Variants in ASB4 observed in about 807,000 individuals in gnomAD.
ASB4 encodes ankyrin repeat and SOCS box containing 4, also known as ankyrin repeat and SOCS box protein 4.
A neutral mutation model predicts 38.6 loss-of-function variants in ASB4; 35 were observed. The ratio of observed to expected loss-of-function variants is 0.91; its 90% CI spans 0.69 to 1.20. ASB4 has a LOEUF of 1.20. Among genes scored for constraint, ASB4 ranks in the 50% most tolerant of loss-of-function variants. ASB4 has a pLI of 0.00. For synonymous variants in ASB4, 195 were observed against 201.3 expected (o/e 0.97, Z 0.26); for missense variants, 557 against 527.2 (o/e 1.06, Z -0.55).
In ASB4 at chr7:95,538,480, C is replaced by G. The variant is rs1460509530; in HGVS notation, c.*721C>G. 1 of 152,218 alleles carries G rather than the reference C, an allele frequency of 6.6e-6. No homozygotes were observed. The highest frequency in any genetic ancestry group is 1.5e-5 in the Non-Finnish European group (1 of 68,038). 9.4% of individuals were successfully genotyped at this position (152,218 alleles called of 1,614,324 possible). Reference sequence around the variant, plus strand: ...TTAGCAGAGGATCCAGACATACACACAGCTAACTGCAATATAAAGTGATGG... The same window carrying G: ...TTAGCAGAGGATCCAGACATACACAGAGCTAACTGCAATATAAAGTGATGG... On this transcript the variant is annotated 3_prime_UTR_variant, in exon 5 of 5. Transcript: ENST00000325885.
intron 2 of ASB4, 26 bp downstream of exon 2, chr7:95,496,083 T>A (rs1287635912): frequency 6.3e-7 from 1 of 1,594,128 alleles, no homozygotes; most frequent in Non-Finnish European, 8.6e-7. Context: ...TGGCCAACAT[T>A]GTTGTCTGCT....
chr7:95,475,758 T>G (rs1179817733), upstream of ASB4, among the ~76,000 whole-genome samples: 2 of 152,192 alleles, frequency 1.3e-5, no homozygotes, highest in African/African-American at 4.8e-5. Flanking sequence ...AATCATGTAT[T>G]CCAGTGTCAT....
intron 2 of ASB4, among the ~76,000 whole-genome samples, chr7:95,526,218 C>T (rs11978540): frequency 0.017 from 2,632 of 152,222 alleles, 84 homozygotes; most frequent in African/African-American, 0.059. Flanking sequence ...AGGAAGGGGT[C>T]CCCAGTGGGA....
downstream of ASB4, chr7:95,543,854 A>T (rs1174547682): frequency 6.6e-6 from 1 of 152,196 alleles, no homozygotes; most frequent in African/African-American, 2.4e-5. Flanking sequence ...TATCATTATA[A>T]TTATACTTTT....
intron 2 of ASB4, among the ~76,000 whole-genome samples, chr7:95,504,403 T>C (rs961998922): frequency 1.3e-5 from 2 of 152,214 alleles, no homozygotes; most frequent in African/African-American, 4.8e-5. Flanking sequence ...TAAGGCAAGA[T>C]GTCACTGGCC....
chr7:95,477,426 T>G (rs1789987155), upstream of ASB4, among the ~76,000 whole-genome samples: 2 of 152,224 alleles, frequency 1.3e-5, no homozygotes, highest in Admixed American at 6.5e-5. Context: ...ACATTGCTCA[T>G]TTTATAAATT....
chr7:95,508,430 TAGAG>T (rs1456732584), intron 2 of ASB4, among the ~76,000 whole-genome samples: 1 of 152,128 alleles, frequency 6.6e-6, no homozygotes, highest in Non-Finnish European at 1.5e-5. Flanking sequence ...AAATAATTGT[TAGAG>T]AGGAAATATT....
At chr7:95,472,630 G>A in the ASB4 span, among the ~76,000 whole-genome samples, 7 of 152,114 alleles carry the variant, frequency 4.6e-5, no homozygotes, top group African/African-American at 1.7e-4. Flanking sequence ...GGGTTTTAAT[G>A]ATGCTCTGCC....
chr7:95,496,929 G>A (rs988467244), intron 2 of ASB4, among the ~76,000 whole-genome samples: 1 of 152,120 alleles, frequency 6.6e-6, no homozygotes, highest in African/African-American at 2.4e-5. Context: ...GAGAGGAAGA[G>A]GGGTCTAGCT....
intron 1 of ASB4, among the ~76,000 whole-genome samples, chr7:95,492,099 C>G (rs1790179696): frequency 6.6e-6 from 1 of 152,184 alleles, no homozygotes; most frequent in African/African-American, 2.4e-5. Flanking sequence ...ACATTCCTAT[C>G]TTAGGAGAGG....
At chr7:95,550,542 C>T in the ASB4 span, among the ~76,000 whole-genome samples, 6 of 152,172 alleles carry the variant, frequency 3.9e-5, no homozygotes, top group Non-Finnish European at 2.9e-5. Context: ...ACTTCTTAAT[C>T]TCTTGATCAG....
intron 1 of ASB4, among the ~76,000 whole-genome samples, chr7:95,490,935 C>T (rs1377403866): frequency 6.6e-6 from 1 of 152,202 alleles, no homozygotes; most frequent in Non-Finnish European, 1.5e-5. Flanking sequence ...CTGCATGTAG[C>T]CTTCGGATCA....
rs1464575512 is a variant in ASB4 at position 95,539,894 on chromosome 7, T to C, written c.*2135T>C. 1.3e-5 allele frequency: 2 copies of C among 152,078 alleles called. No homozygotes were observed. The allele number at this position is 152,078 out of a possible 1,614,324, so 9.4% of individuals were successfully genotyped here. A position where few individuals can be genotyped will look rare whatever the true frequency, so the allele number is the denominator to read the frequency against. Reference sequence around the variant, plus strand: ...CCCCAAAACTATTGAAATCTTAAAATAGTAATAATTAACAAAGTAAAACAA... The same window carrying C: ...CCCCAAAACTATTGAAATCTTAAAACAGTAATAATTAACAAAGTAAAACAA... On this transcript the variant is annotated 3_prime_UTR_variant, in exon 5 of 5. Coordinates refer to ENST00000325885, the MANE Select transcript of ASB4 (RefSeq NM_016116.3).
At chr7:95,498,314 T>C (rs1394696510) in intron 2 of ASB4, among the ~76,000 whole-genome samples, 1 of 152,172 alleles carries the variant, frequency 6.6e-6, no homozygotes, top group Admixed American at 6.5e-5. Context: ...ACAAACATAT[T>C]AGAATAGCTA....
rs1257295643 is a variant in ASB4, at chr7:95,537,658, A to G, written c.1180A>G (p.Arg394Gly). ...GCACTTATCGAGATGTGCCATTAGA[A>G]GAACATTACACAACAGATGCCATAG... ...LMHLSRCAIR[R>G]TLHNRCHRAI... The change falls in exon 5 of 5, where the codon AGA becomes GGA. Residue 394 changes from arginine to glycine, a missense_variant. Transcript: ENST00000325885. 5 of 1,613,658 alleles carry G rather than the reference A, an allele frequency of 3.1e-6. No individual in the cohort carries two copies. Among genetic ancestry groups the G allele is most frequent in the Middle Eastern group, 1.6e-4 (1 of 6,082 alleles).
upstream of ASB4, among the ~76,000 whole-genome samples, chr7:95,484,061 C>T (rs1314568023): frequency 6.7e-6 from 1 of 149,438 alleles, no homozygotes; most frequent in Non-Finnish European, 1.5e-5. Flanking sequence ...GGCATAGTGG[C>T]TCATGGCTGT....
intron 2 of ASB4, among the ~76,000 whole-genome samples, chr7:95,515,372 CTTTCT>C (rs759400192): frequency 9.5e-5 from 10 of 104,818 alleles, no homozygotes; most frequent in South Asian, 8.9e-4. Flanking sequence ...TCTTTTCTTT[CTTTCT>C]TTTCTTTTCT....
intron 3 of ASB4, among the ~76,000 whole-genome samples, chr7:95,531,329 T>C (rs1337215745): frequency 6.6e-6 from 1 of 152,210 alleles, no homozygotes; most frequent in African/African-American, 2.4e-5. Flanking sequence ...CAAAAACATC[T>C]ACCTCTGTAA....
At chr7:95,547,864 C>T in the ASB4 span, among the ~76,000 whole-genome samples, 1 of 152,224 alleles carries the variant, frequency 6.6e-6, no homozygotes, top group Non-Finnish European at 1.5e-5. Flanking sequence ...TTAACTCTTC[C>T]CTGGGTCTCC....
Sources: allele counts gnomAD v4.1 joint callset (sites outside exome capture counted in the v4.1 genomes callset), GRCh38; gene constraint gnomAD v4.1.1; transcripts MANE v1.5; gene names NCBI Gene and HGNC (gene_info 2026-07-23, HGNC 2026-07-21).